The following CDKAL1 variants were observed in gnomAD, a reference collection of about 807,000 sequenced individuals.
CDKAL1 encodes the protein CDKAL1 threonylcarbamoyladenosine tRNA methylthiotransferase.
A neutral mutation model predicts 68.2 loss-of-function variants in CDKAL1; 32 were observed. That is an observed-to-expected ratio of 0.47 (90% CI 0.35 to 0.63). The LOEUF (loss-of-function observed/expected upper bound fraction) is 0.63, where lower values mean the gene tolerates loss of function less well. CDKAL1 is among the 30% of genes least tolerant of loss of function. The pLI, the probability that CDKAL1 is intolerant of heterozygous loss-of-function variation, is 0.00. For synonymous variants in CDKAL1, 234 were observed against 244.3 expected, an observed-to-expected ratio of 0.96 and a Z score of 0.39; for missense variants, 606 against 696.7, an observed-to-expected ratio of 0.87 and a Z score of 1.47.
intron 7 of CDKAL1, among the ~76,000 whole-genome samples, chr6:20,779,877 A>G (rs1775339637): frequency 6.6e-6 from 1 of 152,106 alleles, no homozygotes; most frequent in African/African-American, 2.4e-5. Flanking sequence ...TTATAAATGT[A>G]TTTAAAATCA....
At chr6:21,214,088 T>C (rs191976070) in intron 15 of CDKAL1, among the ~76,000 whole-genome samples, 4 of 152,270 alleles carry the variant, frequency 2.6e-5, no homozygotes, top group African/African-American at 9.6e-5. Context: ...AGGGCAAATA[T>C]TATATAATTC....
chr6:21,124,058 A>G (rs1172414691), intron 13 of CDKAL1, among the ~76,000 whole-genome samples: 1 of 152,234 alleles, frequency 6.6e-6, no homozygotes, highest in Non-Finnish European at 1.5e-5. Context: ...ACATGTTCTC[A>G]TTTTAAACAA....
intron 13 of CDKAL1, among the ~76,000 whole-genome samples, chr6:21,174,024 C>T (rs1777488673): frequency 6.6e-6 from 1 of 151,938 alleles, no homozygotes; most frequent in Non-Finnish European, 1.5e-5. Flanking sequence ...GAACTGTGAT[C>T]ACACACACCT....
intron 11 of CDKAL1, among the ~76,000 whole-genome samples, chr6:21,042,345 A>G (rs756405867): frequency 1.4e-4 from 22 of 151,946 alleles, no homozygotes; most frequent in Non-Finnish European, 2.8e-4. Context: ...CTCACTGCAC[A>G]TGAAGCACCA....
chr6:21,061,729 A>G (rs760001256), intron 11 of CDKAL1, among the ~76,000 whole-genome samples: 1 of 152,176 alleles, frequency 6.6e-6, no homozygotes, highest in Non-Finnish European at 1.5e-5. Context: ...GGTTCACCTA[A>G]AGAGTCAAAT....
At chr6:20,864,800 C>A (rs1174021976) in intron 9 of CDKAL1, among the ~76,000 whole-genome samples, 1 of 152,108 alleles carries the variant, frequency 6.6e-6, no homozygotes, top group East Asian at 1.9e-4. Context: ...CTTCAGAAAT[C>A]AAAATTATCA....
chr6:21,120,704 T>A (rs1010086636), intron 13 of CDKAL1, among the ~76,000 whole-genome samples: 1 of 152,244 alleles, frequency 6.6e-6, no homozygotes, highest in African/African-American at 2.4e-5. Flanking sequence ...ATTATCATAC[T>A]AGAAAGTCTT....
chr6:21,110,774 C>T (rs1387573923), intron 13 of CDKAL1, among the ~76,000 whole-genome samples: 1 of 152,042 alleles, frequency 6.6e-6, no homozygotes, highest in Non-Finnish European at 1.5e-5. Flanking sequence ...GCCTGAGCAA[C>T]ATTGTGAAAC....
intron 12 of CDKAL1, among the ~76,000 whole-genome samples, chr6:21,089,476 C>T (rs1468477450): frequency 1.3e-5 from 2 of 151,726 alleles, no homozygotes; most frequent in Admixed American, 6.6e-5. Context: ...GACCCTGTCT[C>T]TAGAAAAAAA....
At chr6:20,583,544 T>A (rs1765220985) in intron 4 of CDKAL1, among the ~76,000 whole-genome samples, 2 of 152,044 alleles carry the variant, frequency 1.3e-5, no homozygotes, top group South Asian at 4.1e-4. Flanking sequence ...TGCATGATAA[T>A]CTACGGAACA....
At chr6:20,564,620 C>T (rs1401241480) in intron 4 of CDKAL1, among the ~76,000 whole-genome samples, 2 of 152,168 alleles carry the variant, frequency 1.3e-5, no homozygotes, top group South Asian at 4.2e-4. Context: ...CCTGTGTGAT[C>T]CATTGTAATT....
At chr6:20,631,848 C>T (rs538465720) in intron 4 of CDKAL1, among the ~76,000 whole-genome samples, 9 of 152,276 alleles carry the variant, frequency 5.9e-5, no homozygotes, top group Non-Finnish European at 1.2e-4. Flanking sequence ...GGCCCAAACT[C>T]GTGCCTGGAA....
Position 20,702,645 on chromosome 6 carries a change from T to C in CDKAL1, c.372-36874T>C, listed in dbSNP as rs1010113839. ...TGTGCCCCTCTGGACGTCCTCTCGA[T>C]ATCCAGCCACCTGTGTTTTCTTCGC... On this transcript the variant is annotated intron_variant, in intron 5 of 15. Transcript: ENST00000274695. Among the ~76,000 whole-genome samples the C allele has an allele frequency of 2.6e-5, 4 of 152,142 alleles. 1 individual carries two copies. The highest frequency in any genetic ancestry group is 2.6e-4 in the Admixed American group (4 of 15,278).
At chr6:20,959,522 G>A (rs1352122919) in intron 10 of CDKAL1, among the ~76,000 whole-genome samples, 1 of 151,024 alleles carries the variant, frequency 6.6e-6, no homozygotes, top group African/African-American at 2.4e-5. Flanking sequence ...CCCTTGAGTA[G>A]TGCCCTAATG....
At chr6:20,841,801 AT>A (rs1473362730) in intron 8 of CDKAL1, among the ~76,000 whole-genome samples, 1 of 152,248 alleles carries the variant, frequency 6.6e-6, no homozygotes, top group African/African-American at 2.4e-5. Flanking sequence ...ATACTGCCAG[AT>A]TAAATACTTA....
At chr6:20,792,427 A>G (rs1246158856) in intron 8 of CDKAL1, among the ~76,000 whole-genome samples, 3 of 152,208 alleles carry the variant, frequency 2.0e-5, no homozygotes, top group Admixed American at 1.3e-4. Context: ...ACCTTAAAGT[A>G]AGTATTAATT....
chr6:20,885,785 A>G (rs547579229), intron 9 of CDKAL1, among the ~76,000 whole-genome samples: 27 of 152,298 alleles, frequency 1.8e-4, no homozygotes, highest in African/African-American at 6.3e-4. Context: ...TAGAATACGT[A>G]AAGAACTAAA....
chr6:20,962,567 A>G (rs1197730997), intron 10 of CDKAL1, among the ~76,000 whole-genome samples: 2 of 152,202 alleles, frequency 1.3e-5, no homozygotes, highest in Admixed American at 1.3e-4. Context: ...TCATAGTTTC[A>G]AAATAATAGC....
intron 9 of CDKAL1, among the ~76,000 whole-genome samples, chr6:20,950,867 G>C (rs1464096183): frequency 6.6e-6 from 1 of 151,970 alleles, no homozygotes; most frequent in Non-Finnish European, 1.5e-5. Context: ...CTACTCAGGA[G>C]GCTGAGGTAG....
Sources: gnomAD v4.1 joint callset for allele counts (sites outside exome capture counted in the v4.1 genomes callset) on GRCh38, gnomAD v4.1.1 for gene constraint, MANE v1.5 for transcripts, NCBI Gene and HGNC (gene_info 2026-07-23, HGNC 2026-07-21) for gene names.